BBS12: variants seen among roughly 807,000 people sequenced by gnomAD.
The protein encoded by BBS12 is chaperonin-containing T-complex member BBS12.
Under a neutral mutation model 5.6 loss-of-function variants are expected in BBS12, and 5 were observed. The ratio of observed to expected loss-of-function variants is 0.89; its 90% confidence interval spans 0.46 to 1.86. BBS12 has a LOEUF of 1.86. BBS12 is among the 40% of genes most tolerant of loss of function. The probability of loss-of-function intolerance (pLI) is 0.01; values close to 1 mark genes in which losing one functional copy is unlikely to be tolerated. For synonymous variants in BBS12, 308 were observed against 306.8 expected, an observed-to-expected ratio of 1.00 and a Z score of -0.04; for missense variants, 748 against 830.4, an observed-to-expected ratio of 0.90 and a Z score of 1.22.
chr4:122,702,858 C>T, the BBS12 span, among the ~76,000 whole-genome samples: 1 of 152,106 alleles, frequency 6.6e-6, no homozygotes, highest in African/African-American at 2.4e-5. Context: ...GGCAGAACTA[C>T]CCTGAGTTAG....
chr4:122,742,760 G>A lies in BBS12; in HGVS notation c.868G>A (p.Val290Ile). The A allele has an allele frequency of 6.2e-7, 1 of 1,614,224 alleles. No individual in the cohort carries two copies. The highest frequency in any genetic ancestry group is 8.5e-7 in the Non-Finnish European group (1 of 1,180,034). The change falls in exon 2 of 2, where the codon GTA becomes ATA. Residue 290 changes from valine (V) to isoleucine (I), a missense_variant. Transcript: ENST00000314218. ...HSSMKLVEEA[V>I]QLQYQNACVQ... ...CAGCATGAAGTTAGTAGAAGAAGCA[G>A]TACAGCTGCAATATCAGAATGCTTG...
chr4:122,741,225 T>C (rs1213243394), intron 1 of BBS12, among the ~76,000 whole-genome samples: 2 of 152,292 alleles, frequency 1.3e-5, no homozygotes, highest in Admixed American at 1.3e-4. Context: ...CTTGCTCTGT[T>C]GCCCAGGCTG....
the BBS12 span, among the ~76,000 whole-genome samples, chr4:122,715,368 A>G: frequency 6.6e-6 from 1 of 151,894 alleles, no homozygotes; most frequent in East Asian, 1.9e-4. Flanking sequence ...ATTGTCCAAA[A>G]TTCACTTAAA....
chr4:122,741,890 T>A lies in BBS12; in HGVS notation c.-3T>A, dbSNP rs1348776829. The A allele has an allele frequency of 6.2e-7, 1 of 1,613,658 alleles. No individual in the cohort carries two copies. The highest frequency in any genetic ancestry group is 1.3e-5 in the African/African-American group (1 of 74,920). ...TTTTTATTTTGTTTGCAGATCATGA[T>A]ACATGGTGATGGCTTGCAGAGTCGT... On this transcript the variant is annotated 5_prime_UTR_variant, in exon 2 of 2. Transcript: ENST00000314218.
chr4:122,702,391 G>C, the BBS12 span, among the ~76,000 whole-genome samples: 2 of 152,246 alleles, frequency 1.3e-5, no homozygotes, highest in African/African-American at 4.8e-5. Context: ...TCTGGAGAGA[G>C]AGAGCATGGT....
the BBS12 span, among the ~76,000 whole-genome samples, chr4:122,710,364 A>G: frequency 5.3e-5 from 8 of 152,246 alleles, no homozygotes; most frequent in Non-Finnish European, 8.8e-5. Context: ...CTGGAAAGCC[A>G]TTCAACTTCC....
chr4:122,718,481 A>G, the BBS12 span, among the ~76,000 whole-genome samples: 1 of 152,234 alleles, frequency 6.6e-6, no homozygotes, highest in African/African-American at 2.4e-5. Flanking sequence ...AAATCACCCA[A>G]TTCCTGCAGG....
In BBS12 at chr4:122,744,157, A is replaced by C. The variant is rs997016324; in HGVS notation, c.*132A>C. 2.2e-6 allele frequency: 2 copies of C among 926,656 alleles called. No individual in the cohort carries two copies. Among genetic ancestry groups the C allele is most frequent in the African/African-American group, 1.7e-5 (1 of 60,026 alleles). 57.4% of individuals were successfully genotyped at this position (926,656 alleles called of 1,614,324 possible). A position where few individuals can be genotyped will look rare whatever the true frequency, so the allele number is the denominator to read the frequency against. On this transcript the variant is annotated 3_prime_UTR_variant, in exon 2 of 2. Transcript: ENST00000314218. ...AAGAAAATAGTTGATGTCTGTCAAT[A>C]ACTGTGCATGGTCTGAGATTTTACC...
At chr4:122,715,319 TG>T in the BBS12 span, among the ~76,000 whole-genome samples, 3 of 147,920 alleles carry the variant, frequency 2.0e-5, no homozygotes, top group African/African-American at 5.0e-5. Flanking sequence ...TATCTCTATT[TG>T]AAAAAAAAAA....
chr4:122,703,015 A>G, the BBS12 span, among the ~76,000 whole-genome samples: 31 of 152,342 alleles, frequency 2.0e-4, no homozygotes, highest in East Asian at 5.6e-3. Flanking sequence ...AAACTTTTAT[A>G]TTTATACCAT....
chr4:122,743,731 T>G lies in BBS12; in HGVS notation c.1839T>G (p.Phe613Leu). The change falls in exon 2 of 2, where the codon TTT becomes TTG. Residue 613 changes from phenylalanine to leucine, a missense_variant. Physicochemically the swap from Phe to Leu is conservative, Grantham distance 22. Coordinates refer to ENST00000314218, the MANE Select transcript of BBS12 (RefSeq NM_152618.3). ...ACACTGCCAATTACTCATCAGAATT[T>G]GAAGCCAGCACATACATTCAACATC... The part of the protein sequence containing the change: ...LYNTANYSSE[F>L]EASTYIQHHL... The G allele has an allele frequency of 6.2e-7, 1 of 1,614,242 alleles. No homozygotes were observed. Among genetic ancestry groups the G allele is most frequent in the Non-Finnish European group, 8.5e-7 (1 of 1,180,044 alleles).
At chr4:122,719,814 G>T in the BBS12 span, among the ~76,000 whole-genome samples, 2 of 152,298 alleles carry the variant, frequency 1.3e-5, no homozygotes, top group Admixed American at 6.5e-5. Context: ...CTTGGGGAAG[G>T]GTATGTCAGT....
In BBS12 at chr4:122,742,216, C is replaced by T; in HGVS notation, c.324C>T (p.Pro108=). Residue 108 remains proline (P), a synonymous_variant, in exon 2 of 2, where the codon CCC becomes CCT. Coordinates refer to ENST00000314218, the MANE Select transcript of BBS12 (RefSeq NM_152618.3). ...AAGAATGTCTTCATCTTGGTGTCCC[C>T]ATTTCCATAATAGTATCAGTAATGT... ...AVEECLHLGV[P]ISIIVSVMSE... is the part of the protein sequence containing the mutation. 6.2e-7 allele frequency: 1 copy of T among 1,613,830 alleles called. No individual in the cohort carries two copies. Among genetic ancestry groups the T allele is most frequent in the Non-Finnish European group, 8.5e-7 (1 of 1,180,016 alleles).
rs369047756 is a variant in BBS12 at position 122,742,942 on chromosome 4, G to C, written c.1050G>C (p.Gln350His). The part of the protein sequence containing the change: ...VSNNPVIKEL[Q>H]NQPVRIVLIE... ...ATAATCCTGTGATCAAGGAATTGCA[G>C]AATCAGCCTGTGCGAATAGTTCTCA... Residue 350 changes from glutamine to histidine, a missense_variant, in exon 2 of 2, where the codon CAG (glutamine) becomes CAC (histidine). Gln to His is a conservative substitution (Grantham distance 24, BLOSUM62 0). Coordinates refer to ENST00000314218, the MANE Select transcript of BBS12 (RefSeq NM_152618.3). 1 of 1,614,174 alleles carries C rather than the reference G, an allele frequency of 6.2e-7. No homozygotes were observed. The highest frequency in any genetic ancestry group is 8.5e-7 in the Non-Finnish European group (1 of 1,180,006).
chr4:122,714,214 A>T, the BBS12 span, among the ~76,000 whole-genome samples: 2 of 152,202 alleles, frequency 1.3e-5, no homozygotes, highest in Non-Finnish European at 2.9e-5. Flanking sequence ...ATGAAGACAC[A>T]GTGTGTGGCC....
the BBS12 span, among the ~76,000 whole-genome samples, chr4:122,718,734 G>GAAATGAAATT: frequency 2.6e-5 from 4 of 151,836 alleles, no homozygotes; most frequent in Non-Finnish European, 4.4e-5. Context: ...GAAATGAAAT[G>GAAATGAAATT]AAATGAAATG....
the BBS12 span, among the ~76,000 whole-genome samples, chr4:122,716,686 T>TATGTGTATATATACAC: frequency 2.3e-3 from 154 of 66,040 alleles, 3 homozygotes; most frequent in African/African-American, 0.01. Flanking sequence ...TATATACACA[T>TATGTGTATATATACAC]ATGTGTATGT....
intron 1 of BBS12, chr4:122,733,859 C>CTTTTTTTTTTTTTTTTTT (rs35729794): frequency 3.1e-5 from 3 of 97,130 alleles, no homozygotes; most frequent in South Asian, 4.0e-4. Context: ...TAACTTTAGT[C>CTTTTTTTTTTTTTTTTTT]TTTTTTTTTT....
intron 1 of BBS12, among the ~76,000 whole-genome samples, chr4:122,736,916 A>G (rs1003448792): frequency 6.6e-6 from 1 of 152,212 alleles, no homozygotes; most frequent in Non-Finnish European, 1.5e-5. Context: ...AAAAATTACT[A>G]AAACTTGGAA....
Sources: allele counts gnomAD v4.1 joint callset (sites outside exome capture counted in the v4.1 genomes callset), GRCh38; gene constraint gnomAD v4.1.1; transcripts MANE v1.5; gene names NCBI Gene and HGNC (gene_info 2026-07-23, HGNC 2026-07-21).